Variants in TMEM204 observed in about 807,000 individuals in gnomAD.
TMEM204 encodes the protein claudin-like protein 24.
TMEM204 carries 15 observed loss-of-function variants against 19.4 expected under a neutral mutation model. The ratio of observed to expected loss-of-function variants is 0.77; its 90% CI spans 0.52 to 1.19. TMEM204 has a LOEUF of 1.19. Ranked by LOEUF, TMEM204 falls within the 50% of genes most tolerant of loss-of-function variation. The probability of loss-of-function intolerance (pLI) is 0.00; values close to 1 mark genes in which losing one functional copy is unlikely to be tolerated. For missense variants in TMEM204, 287 were observed against 321.2 expected (o/e 0.89, Z 0.81); for synonymous variants, 161 against 146.0 (o/e 1.10, Z -0.74).
chr16:1,552,193 C>T (rs1472632606), intron 2 of TMEM204, among the ~76,000 whole-genome samples: 2 of 152,160 alleles, frequency 1.3e-5, no homozygotes, highest in African/African-American at 4.8e-5. Flanking sequence ...GAGAAACAGG[C>T]TGTGGCCATG....
intron 1 of TMEM204, among the ~76,000 whole-genome samples, chr16:1,535,380 G>A (rs566232222): frequency 1.1e-3 from 164 of 152,296 alleles, no homozygotes; most frequent in African/African-American, 3.6e-3. Flanking sequence ...CAACAGTCAC[G>A]GCACAGGGAC....
At chr16:1,539,092 GC>G (rs1484224112) in intron 1 of TMEM204, among the ~76,000 whole-genome samples, 1 of 148,114 alleles carries the variant, frequency 6.8e-6, no homozygotes, top group Non-Finnish European at 1.5e-5. Flanking sequence ...GTGCCAGATG[GC>G]CCCCCACCTC....
chr16:1,541,059 G>A lies in TMEM204; in HGVS notation c.281-862G>A, dbSNP rs973838913. 3 of 985,332 alleles carry A rather than the reference G, an allele frequency of 3.0e-6. No homozygotes were observed. In the African/African-American group the frequency reaches 5.2e-5, roughly 17 times the overall value. 61.0% of individuals were successfully genotyped at this position (985,332 alleles called of 1,614,324 possible). On this transcript the variant is annotated intron_variant, in intron 1 of 2. Coordinates refer to ENST00000566264, the MANE Select transcript of TMEM204 (RefSeq NM_024600.6). ...AGAAACGTGACGAGCCCTGGTCCCT[G>A]AGGGCAACAAACGCACCTCCCTCTG...
intron 2 of TMEM204, chr16:1,552,934 TA>T (rs1157971054): frequency 1.0e-6 from 1 of 983,062 alleles, no homozygotes; most frequent in African/African-American, 1.8e-5. Flanking sequence ...ATTATAGGCG[TA>T]AACCACTGTG....
At position 1,551,039 on chromosome 16, in the gene TMEM204, G is replaced by A. The variant is rs529672106; in HGVS notation, c.437-3743G>A. Reference sequence around the variant, plus strand: ...CCAAAGGGCTCTGTCCCTTTGAGGGGTCCTGGTCACTCAACTGCCAAGGCT... The same window carrying A: ...CCAAAGGGCTCTGTCCCTTTGAGGGATCCTGGTCACTCAACTGCCAAGGCT... On this transcript the variant is annotated intron_variant, in intron 2 of 2. Coordinates refer to ENST00000566264, the MANE Select transcript of TMEM204 (RefSeq NM_024600.6). The surrounding 1 kb of genome is among the most constrained non-coding windows in gnomAD (Gnocchi z 4.0). 6.6e-6 allele frequency among the ~76,000 whole-genome samples: 1 copy of A among 152,302 alleles called. No individual in the cohort carries two copies. The highest frequency in any genetic ancestry group is 2.4e-5 in the African/African-American group (1 of 41,566).
intron 1 of TMEM204, chr16:1,541,293 G>T (rs562041750): frequency 3.0e-4 from 296 of 985,092 alleles, no homozygotes; most frequent in Admixed American, 7.4e-4. Flanking sequence ...GGGGGCAGGT[G>T]GGGGGCACTG....
upstream of TMEM204, among the ~76,000 whole-genome samples, chr16:1,529,656 T>C (rs1247657156): frequency 6.6e-6 from 1 of 152,250 alleles, no homozygotes; most frequent in South Asian, 2.1e-4. Flanking sequence ...GGAAGTCACA[T>C]CTTTACAATG....
intron 2 of TMEM204, among the ~76,000 whole-genome samples, chr16:1,544,722 C>T (rs2032000432): frequency 6.6e-6 from 1 of 151,886 alleles, no homozygotes; most frequent in Admixed American, 6.6e-5. Flanking sequence ...GATCTCGGCT[C>T]ACTGCAAGCT....
At chr16:1,550,400 A>C (rs2032537425) in intron 2 of TMEM204, among the ~76,000 whole-genome samples, 1 of 152,246 alleles carries the variant, frequency 6.6e-6, no homozygotes, top group Admixed American at 6.5e-5. Context: ...ACGCATTTTC[A>C]AAAGCTATGA....
chr16:1,542,186 C>T (rs1826648314), intron 2 of TMEM204, 110 bp downstream of exon 2: 8 of 1,236,302 alleles, frequency 6.5e-6, no homozygotes, highest in Non-Finnish European at 8.6e-6. Flanking sequence ...GCAGGCCATA[C>T]CTCTCAACAT....
intron 1 of TMEM204, among the ~76,000 whole-genome samples, chr16:1,537,324 C>T (rs936101927): frequency 3.9e-5 from 6 of 152,244 alleles, no homozygotes; most frequent in African/African-American, 1.2e-4. Flanking sequence ...TGTCTCCGGA[C>T]GGCTCTGTGC....
At chr16:1,544,252 C>T (rs914103650) in intron 2 of TMEM204, among the ~76,000 whole-genome samples, 81 of 151,130 alleles carry the variant, frequency 5.4e-4, no homozygotes, top group African/African-American at 1.8e-3. Context: ...GGCACAATCT[C>T]GGCTCACTGC....
intron 1 of TMEM204, among the ~76,000 whole-genome samples, chr16:1,539,799 C>T (rs1023597502): frequency 2.0e-5 from 3 of 152,198 alleles, no homozygotes; most frequent in East Asian, 1.9e-4. Flanking sequence ...TCCGCTCTCC[C>T]CCTTGCCAGC....
In TMEM204 at chr16:1,551,109, T is replaced by C. The variant is rs1204193352; in HGVS notation, c.437-3673T>C. 6.6e-6 allele frequency among the ~76,000 whole-genome samples: 1 copy of C among 152,236 alleles called. No individual in the cohort carries two copies. The highest frequency in any genetic ancestry group is 1.5e-5 in the Non-Finnish European group (1 of 68,038). Reference sequence around the variant, plus strand: ...CCCGCAGCTCCACACTGCATTCTGTTCTGTTTCACGTCTACTTTGGTCTCC... The same window carrying C: ...CCCGCAGCTCCACACTGCATTCTGTCCTGTTTCACGTCTACTTTGGTCTCC... On this transcript the variant is annotated intron_variant, in intron 2 of 2. Transcript: ENST00000566264. The surrounding 1 kb of genome is among the most constrained non-coding windows in gnomAD (Gnocchi z 4.0).
rs971260925 is a variant in TMEM204 at position 1,543,414 on chromosome 16, C to A, written c.436+1338C>A. Among the ~76,000 whole-genome samples the A allele has an allele frequency of 9.2e-5, 14 of 152,262 alleles. No individual in the cohort carries two copies. The South Asian group carries it at 2.7e-3, about 29-fold the overall frequency. On this transcript the variant is annotated intron_variant, in intron 2 of 2. Transcript: ENST00000566264. ...AGCGAGTCAGGCCGGGCTCTCTGAGCGCTATTAATAGCATGGCGTGGCCCT... is the reference window on the plus strand; with the variant it reads ...AGCGAGTCAGGCCGGGCTCTCTGAGAGCTATTAATAGCATGGCGTGGCCCT...
At chr16:1,550,769 A>G (rs2032569458) in intron 2 of TMEM204, among the ~76,000 whole-genome samples, 1 of 152,204 alleles carries the variant, frequency 6.6e-6, no homozygotes. Context: ...CCCTCTGGGG[A>G]CACAGAGATT....
intron 2 of TMEM204, among the ~76,000 whole-genome samples, chr16:1,546,193 C>T (rs2032157597): frequency 6.6e-6 from 1 of 152,232 alleles, no homozygotes; most frequent in Admixed American, 6.5e-5. Context: ...GTCATTACAG[C>T]CTCTGATGGC....
intron 2 of TMEM204, among the ~76,000 whole-genome samples, chr16:1,546,946 G>C (rs928692419): frequency 6.6e-6 from 1 of 152,254 alleles, no homozygotes. Context: ...GGTCAAGCCA[G>C]TGAAGTCCCC....
chr16:1,539,497 T>C (rs928230391), intron 1 of TMEM204, among the ~76,000 whole-genome samples: 12 of 152,364 alleles, frequency 7.9e-5, no homozygotes, highest in African/African-American at 2.9e-4. Flanking sequence ...CTGAGCCAGG[T>C]CCTCACCTGC....
Sources: gnomAD v4.1 joint callset for allele counts (sites outside exome capture counted in the v4.1 genomes callset) on GRCh38, gnomAD v4.1.1 for gene constraint, Gnocchi (gnomAD v3.1) non-coding constraint, MANE v1.5 for transcripts, NCBI Gene and HGNC (gene_info 2026-07-23, HGNC 2026-07-21) for gene names.